Variants in COBL observed in about 807,000 individuals in gnomAD.
COBL encodes cordon-bleu WH2 repeat protein.
In COBL, 51 loss-of-function variants were observed where a neutral mutation model predicts 98.8. That is an observed-to-expected ratio of 0.52 (90% CI 0.41 to 0.65). The LOEUF is 0.65. COBL is among the 30% of genes least tolerant of loss of function. COBL has a pLI of 0.00. For missense variants in COBL, 1,617 were observed against 1,617.5 expected, an observed-to-expected ratio of 1.00 and a Z score of 0.01; for synonymous variants, 634 against 651.7, an observed-to-expected ratio of 0.97 and a Z score of 0.41.
chr7:51,021,096 T>C (rs1187266040), intron 12 of COBL: 1 of 152,168 alleles, frequency 6.6e-6, no homozygotes, highest in Non-Finnish European at 1.5e-5. Flanking sequence ...TACAGATTCA[T>C]GCACTGCCTT....
chr7:51,078,577 T>C (rs948274753), intron 7 of COBL, among the ~76,000 whole-genome samples: 5 of 152,246 alleles, frequency 3.3e-5, no homozygotes, highest in Non-Finnish European at 7.3e-5. Flanking sequence ...TAGTTATCTA[T>C]TGCTGCAGAA....
chr7:51,039,255 C>G (rs2128883358), intron 8 of COBL, among the ~76,000 whole-genome samples: 1 of 152,356 alleles, frequency 6.6e-6, no homozygotes, highest in Admixed American at 6.5e-5. Flanking sequence ...ATGGATGCTG[C>G]TGTTTAGTGT....
At chr7:51,061,606 G>A (rs1477216122) in intron 7 of COBL, among the ~76,000 whole-genome samples, 2 of 152,058 alleles carry the variant, frequency 1.3e-5, no homozygotes, top group East Asian at 1.9e-4. Flanking sequence ...GTTATTTCTG[G>A]GTGTGTCTGT....
chr7:51,029,785 T>C (rs1588267099), intron 9 of COBL, among the ~76,000 whole-genome samples, 194 bp from the exon 10 acceptor site: 1 of 152,358 alleles, frequency 6.6e-6, no homozygotes, highest in Admixed American at 6.5e-5. Context: ...TCAACACAGC[T>C]GTTTGCAGAT....
At chr7:51,021,170 C>T (rs1018397076) in intron 12 of COBL, 5 of 152,188 alleles carry the variant, frequency 3.3e-5, no homozygotes, top group Admixed American at 2.0e-4. Context: ...GTTCTGGAGC[C>T]GTTGCTGAAC....
intron 5 of COBL, chr7:51,156,203 C>A: frequency 1.0e-6 from 1 of 985,322 alleles, no homozygotes; most frequent in Non-Finnish European, 1.2e-6. Context: ...CACACACACA[C>A]ACACACACAA....
intron 7 of COBL, chr7:51,073,389 CG>C (rs772890708): frequency 7.4e-6 from 5 of 678,720 alleles, no homozygotes; most frequent in Admixed American, 2.1e-5. Flanking sequence ...CAATAAACTG[CG>C]GGGGGAAAAT....
intron 5 of COBL, among the ~76,000 whole-genome samples, chr7:51,165,952 G>A (rs1028724489): frequency 6.6e-6 from 1 of 151,856 alleles, no homozygotes; most frequent in African/African-American, 2.4e-5. Context: ...AAACCTATGG[G>A]ATACAGCAAA....
intron 6 of COBL, among the ~76,000 whole-genome samples, chr7:51,086,322 A>T (rs908288872): frequency 1.4e-5 from 2 of 139,146 alleles, no homozygotes; most frequent in African/African-American, 2.7e-5. Context: ...ACGCCACTGC[A>T]CTCCAGCCTG....
In COBL at chr7:51,028,430, T is replaced by C; in HGVS notation, c.2666A>G (p.His889Arg). ...TGCATAACCCTTCTCGGCATAACCG[T>C]GTGGCCTCACCACATCAGCATGGAC... ...PKVHADVVRPHGYAEKGYAGK... is the reference protein window; with the variant it reads ...PKVHADVVRPRGYAEKGYAGK... Residue 889 changes from histidine to arginine, a missense_variant, in exon 10 of 13, where the codon CAC becomes CGC. Around this residue, in one of 3 missense-constraint regions of COBL, gnomAD observed 1,304 missense variants for 1,282.0 expected, o/e 1.02. Transcript: ENST00000265136. 1 of 1,614,248 alleles carries C rather than the reference T, an allele frequency of 6.2e-7. No individual in the cohort carries two copies. Among genetic ancestry groups the C allele is most frequent in the Non-Finnish European group, 8.5e-7 (1 of 1,180,038 alleles).
intron 7 of COBL, among the ~76,000 whole-genome samples, chr7:51,077,215 T>C (rs1793178878): frequency 6.6e-6 from 1 of 152,208 alleles, no homozygotes; most frequent in Admixed American, 6.5e-5. Flanking sequence ...TGCAAAATCT[T>C]ATTAATAAGA....
intron 1 of COBL, among the ~76,000 whole-genome samples, chr7:51,292,365 T>G (rs1222536188): frequency 2.0e-5 from 3 of 152,176 alleles, no homozygotes; most frequent in African/African-American, 7.2e-5. Context: ...CCATAAAAAG[T>G]CATCCATTCC....
chr7:51,189,409 G>A (rs751422506), intron 4 of COBL, among the ~76,000 whole-genome samples: 5 of 152,140 alleles, frequency 3.3e-5, no homozygotes, highest in Admixed American at 1.3e-4. Context: ...CAAGGCAGGC[G>A]GATCACCTGA....
intron 6 of COBL, among the ~76,000 whole-genome samples, chr7:51,097,033 G>C (rs1156275849): frequency 6.6e-6 from 1 of 152,066 alleles, no homozygotes. Context: ...GACAAAGATA[G>C]TATAAGAAAA....
intron 2 of COBL, among the ~76,000 whole-genome samples, chr7:51,219,376 G>A (rs10245732): frequency 0.061 from 9,356 of 152,244 alleles, 348 homozygotes; most frequent in Middle Eastern, 0.14. Context: ...TCCTGGCTGC[G>A]TCCCTTCAGA....
At chr7:51,155,050 T>C (rs1479819494) in intron 5 of COBL, among the ~76,000 whole-genome samples, 1 of 152,234 alleles carries the variant, frequency 6.6e-6, no homozygotes, top group Non-Finnish European at 1.5e-5. Flanking sequence ...GACTCTGTCC[T>C]CATAGAGCTT....
chr7:51,118,737 T>C (rs1209914968), intron 6 of COBL, among the ~76,000 whole-genome samples: 2 of 152,178 alleles, frequency 1.3e-5, no homozygotes. Flanking sequence ...CCCAAGGTTG[T>C]ATAGGTTAGT....
intron 6 of COBL, among the ~76,000 whole-genome samples, chr7:51,121,576 T>G (rs1345321522): frequency 6.6e-6 from 1 of 152,214 alleles, no homozygotes; most frequent in African/African-American, 2.4e-5. Flanking sequence ...AGCTGAAGGT[T>G]AGTTAACCAC....
At chr7:51,274,916 A>G (rs1799147244) in intron 1 of COBL, among the ~76,000 whole-genome samples, 1 of 152,172 alleles carries the variant, frequency 6.6e-6, no homozygotes, top group African/African-American at 2.4e-5. Flanking sequence ...CAATCATTTG[A>G]TTTGATTTTT....
Sources: gnomAD v4.1 joint callset for allele counts (sites outside exome capture counted in the v4.1 genomes callset) on GRCh38, gnomAD v4.1.1 for gene constraint, gnomAD v4.1.1 regional missense constraint, MANE v1.5 for transcripts, NCBI Gene and HGNC (gene_info 2026-07-23, HGNC 2026-07-21) for gene names.